The following HFM1 variants were observed in gnomAD, a reference collection of about 807,000 sequenced individuals.
The protein encoded by HFM1 is helicase for meiosis 1.
In HFM1, 169 loss-of-function variants were observed where a neutral mutation model predicts 192.1. That is an observed-to-expected ratio of 0.88 (90% CI 0.78 to 1.00). The LOEUF (loss-of-function observed/expected upper bound fraction) is 1.00, where lower values mean the gene tolerates loss of function less well. HFM1 is among the 50% of genes least tolerant of loss of function. The pLI, the probability that HFM1 is intolerant of heterozygous loss-of-function variation, is 0.00. For missense variants in HFM1, 1,661 were observed against 1,668.0 expected (o/e 1.00, Z 0.07); for synonymous variants, 525 against 537.8 (o/e 0.98, Z 0.33).
At chr1:91,354,935 A>C (rs1657512948) in intron 13 of HFM1, among the ~76,000 whole-genome samples, 1 of 152,166 alleles carries the variant, frequency 6.6e-6, no homozygotes, top group Non-Finnish European at 1.5e-5. Flanking sequence ...ACACAGTCAA[A>C]TTCAGAATGT....
At chr1:91,385,344 A>T (rs1662069453) in intron 5 of HFM1, 110 bp from the exon 6 acceptor site, 1 of 794,568 alleles carries the variant, frequency 1.3e-6, no homozygotes. Flanking sequence ...TGTTTCAATA[A>T]AACTAACACA....
intron 20 of HFM1, among the ~76,000 whole-genome samples, chr1:91,342,876 A>C (rs2101643168): frequency 6.6e-6 from 1 of 152,324 alleles, no homozygotes; most frequent in East Asian, 1.9e-4. Context: ...AAAGCAACCC[A>C]AAGATTCAAG....
intron 3 of HFM1, among the ~76,000 whole-genome samples, chr1:91,395,494 T>C (rs1663549587): frequency 6.6e-6 from 1 of 152,058 alleles, no homozygotes; most frequent in Non-Finnish European, 1.5e-5. Flanking sequence ...TCTGTTTGTT[T>C]GTTTATATAT....
intron 23 of HFM1, among the ~76,000 whole-genome samples, chr1:91,320,647 C>G (rs1651953720): frequency 6.6e-6 from 1 of 152,106 alleles, no homozygotes; most frequent in Non-Finnish European, 1.5e-5. Flanking sequence ...AATCTTATTT[C>G]AAGAAGCAGT....
chr1:91,262,508 T>A lies in HFM1; in HGVS notation c.4059A>T (p.Leu1353Phe), dbSNP rs919783140. Reference protein sequence around the residue: ...PKFSASSMTKLPQQAGNAVIV... With the variant: ...PKFSASSMTKFPQQAGNAVIV... ...TAACTGCATTTCCGGCTTGTTGAGG[T>A]AATTTTGTCATGGAGGATGCACTGA... is the stretch of plus-strand genomic sequence containing the variant. The change falls in exon 37 of 39, where the codon TTA becomes TTT. Residue 1353 changes from leucine (L) to phenylalanine (F), a missense_variant. Coordinates refer to ENST00000370425, the MANE Select transcript of HFM1 (RefSeq NM_001017975.6). 1.3e-5 allele frequency: 21 copies of A among 1,603,938 alleles called. No homozygotes were observed. Among genetic ancestry groups the A allele is most frequent in the South Asian group, 4.5e-5 (4 of 89,728 alleles).
intron 13 of HFM1, among the ~76,000 whole-genome samples, chr1:91,366,223 T>C (rs1280119321): frequency 1.3e-5 from 2 of 152,210 alleles, no homozygotes; most frequent in Non-Finnish European, 2.9e-5. Flanking sequence ...TGTAGTGTAT[T>C]TCAATTCCCT....
intron 25 of HFM1, 29 bp downstream of exon 25, chr1:91,319,049 C>A: frequency 6.4e-7 from 1 of 1,557,424 alleles, no homozygotes; most frequent in South Asian, 1.2e-5. Context: ...CAGACATGGC[C>A]AAACTGCCTG....
chr1:91,332,487 A>G (rs1400193568), intron 20 of HFM1, among the ~76,000 whole-genome samples: 1 of 152,188 alleles, frequency 6.6e-6, no homozygotes, highest in Non-Finnish European at 1.5e-5. Flanking sequence ...CTAACAACTC[A>G]AACTACAAAA....
chr1:91,290,330 G>C (rs1668594857), intron 30 of HFM1, among the ~76,000 whole-genome samples: 1 of 152,102 alleles, frequency 6.6e-6, no homozygotes, highest in Non-Finnish European at 1.5e-5. Flanking sequence ...GACACACATA[G>C]GCTTAAAATA....
At chr1:91,283,147 C>T (rs928706319) in intron 30 of HFM1, among the ~76,000 whole-genome samples, 1 of 152,160 alleles carries the variant, frequency 6.6e-6, no homozygotes, top group African/African-American at 2.4e-5. Flanking sequence ...CTGCCGCCCT[C>T]CCTACCTCCT....
At chr1:91,333,074 A>G (rs1654061163) in intron 20 of HFM1, among the ~76,000 whole-genome samples, 1 of 152,234 alleles carries the variant, frequency 6.6e-6, no homozygotes, top group South Asian at 2.1e-4. Context: ...GAGAGCTACT[A>G]TATGATCCAG....
chr1:91,353,850 C>T (rs1571070101), intron 13 of HFM1, among the ~76,000 whole-genome samples: 1 of 150,752 alleles, frequency 6.6e-6, no homozygotes, highest in Admixed American at 6.6e-5. Flanking sequence ...AAGGAAAGTG[C>T]CTCTCTATAA....
chr1:91,390,296 T>A (rs545169822), intron 4 of HFM1, among the ~76,000 whole-genome samples: 1 of 151,880 alleles, frequency 6.6e-6, no homozygotes, highest in South Asian at 2.1e-4. Flanking sequence ...ATTAGCCGGG[T>A]GTGGTGGCGC....
chr1:91,356,396 A>G (rs1657742893), intron 13 of HFM1, among the ~76,000 whole-genome samples: 1 of 152,048 alleles, frequency 6.6e-6, no homozygotes, highest in African/African-American at 2.4e-5. Flanking sequence ...GGCATGTACC[A>G]CCACGCCTGG....
intron 34 of HFM1, among the ~76,000 whole-genome samples, chr1:91,272,862 GA>G (rs1215911422): frequency 2.0e-5 from 3 of 149,344 alleles, no homozygotes; most frequent in Admixed American, 6.7e-5. Context: ...ACAACATGAA[GA>G]AAAAAAAATG....
intron 13 of HFM1, among the ~76,000 whole-genome samples, chr1:91,357,713 T>G (rs1047587045): frequency 6.6e-6 from 1 of 152,186 alleles, no homozygotes. Flanking sequence ...ACCTCAAAGA[T>G]TCATTAAAAA....
Position 91,316,148 on chromosome 1 carries a change from T to C in HFM1, c.2935A>G (p.Lys979Glu), listed in dbSNP as rs1651182234. 1.3e-6 allele frequency: 2 copies of C among 1,593,020 alleles called. No homozygotes were observed. Among genetic ancestry groups the C allele is most frequent in the South Asian group, 2.3e-5 (2 of 88,662 alleles). ...TTTGGTAGATACATCACAGTTTCTT[T>C]TATCTGGGTTCCAAAGGGGGGATGT... ...NRHPPFGTQI[K>E]ETVMYLPKYE... Residue 979 changes from lysine (K) to glutamate (E), a missense_variant, in exon 27 of 39, where the codon AAA (lysine) becomes GAA (glutamate). Transcript: ENST00000370425.
intron 13 of HFM1, among the ~76,000 whole-genome samples, chr1:91,370,816 A>T (rs920386653): frequency 4.6e-5 from 7 of 151,792 alleles, no homozygotes; most frequent in South Asian, 2.1e-4. Context: ...TGTTTGCAGA[A>T]GACATGATTG....
At chr1:91,374,522 T>A (rs1423817749) in intron 13 of HFM1, among the ~76,000 whole-genome samples, 3 of 152,158 alleles carry the variant, frequency 2.0e-5, no homozygotes, top group Non-Finnish European at 4.4e-5. Context: ...ATTTGAGATA[T>A]ATTTAGAAGT....
Sources: allele counts gnomAD v4.1 joint callset (sites outside exome capture counted in the v4.1 genomes callset), GRCh38; gene constraint gnomAD v4.1.1; transcripts MANE v1.5; gene names NCBI Gene and HGNC (gene_info 2026-07-23, HGNC 2026-07-21).